DACH2: variants seen among roughly 807,000 people sequenced by gnomAD.
DACH2 encodes dachshund homolog 2.
In DACH2, 17 loss-of-function variants were observed where a neutral mutation model predicts 35.8. The observed-to-expected ratio is 0.48, with a 90% CI of 0.33 to 0.71. The LOEUF (loss-of-function observed/expected upper bound fraction) is 0.71. DACH2 is among the 30% of genes least tolerant of loss of function. The probability of loss-of-function intolerance (pLI) is 0.02; values close to 1 mark genes in which losing one functional copy is unlikely to be tolerated. For missense variants in DACH2, 469 were observed against 472.7 expected, an observed-to-expected ratio of 0.99 and a Z score of 0.07; for synonymous variants, 195 against 177.3, an observed-to-expected ratio of 1.10 and a Z score of -0.79.
At chrX:86,569,237 T>A (rs2039332632) in intron 3 of DACH2, among the ~76,000 whole-genome samples, 2 of 111,045 alleles carry the variant, frequency 1.8e-5, no homozygotes, top group Admixed American at 9.6e-5. Flanking sequence ...AGTCAGGTAA[T>A]GCTCATCGTT....
At chrX:86,596,285 C>A (rs1369403703) in intron 3 of DACH2, among the ~76,000 whole-genome samples, 2 of 111,465 alleles carry the variant, frequency 1.8e-5, no homozygotes, top group Non-Finnish European at 3.8e-5. Flanking sequence ...TCGTGTCTAA[C>A]TTTTTTAGGA....
At chrX:86,827,783 G>C (rs2042576090) in intron 11 of DACH2, 1 of 1,164,100 alleles carries the variant, frequency 8.6e-7, no homozygotes, top group African/African-American at 1.8e-5. Flanking sequence ...ACTGATGCCG[G>C]AACTCCAACT....
At chrX:86,307,637 A>C (rs1288362420) in intron 1 of DACH2, among the ~76,000 whole-genome samples, 1 of 111,282 alleles carries the variant, frequency 9.0e-6, no homozygotes, top group African/African-American at 3.3e-5. Context: ...GGCAGTTGCC[A>C]GACAGGATAA....
intron 7 of DACH2, among the ~76,000 whole-genome samples, chrX:86,804,830 A>C (rs1486275615): frequency 2.7e-5 from 3 of 112,523 alleles, no homozygotes; most frequent in African/African-American, 9.7e-5. Context: ...TTCATGTCTC[A>C]CATCCAGGGC....
At chrX:86,397,222 A>G (rs749478014) in intron 2 of DACH2, among the ~76,000 whole-genome samples, 7 of 111,157 alleles carry the variant, frequency 6.3e-5, no homozygotes, top group African/African-American at 2.3e-4. Context: ...AATGCTAGTG[A>G]TTTTTGCACA....
intron 1 of DACH2, among the ~76,000 whole-genome samples, chrX:86,233,188 G>A (rs1249537146): frequency 9.0e-6 from 1 of 111,339 alleles, no homozygotes; most frequent in Non-Finnish European, 1.9e-5. Context: ...GGGTCTATAG[G>A]AGGGTGAAGG....
intron 3 of DACH2, among the ~76,000 whole-genome samples, chrX:86,594,997 G>A (rs1039728692): frequency 1.8e-5 from 2 of 111,624 alleles, no homozygotes; most frequent in East Asian, 2.8e-4. Context: ...TGTTTTCATA[G>A]CAAATTGACT....
At chrX:86,211,064 G>A (rs1234396855) in intron 1 of DACH2, among the ~76,000 whole-genome samples, 2 of 111,596 alleles carry the variant, frequency 1.8e-5, no homozygotes, top group African/African-American at 3.2e-5. Context: ...TATTTGTGAA[G>A]CACTGTGATT....
intron 2 of DACH2, among the ~76,000 whole-genome samples, chrX:86,419,666 G>A (rs1466552212): frequency 8.9e-6 from 1 of 111,937 alleles, no homozygotes; most frequent in Non-Finnish European, 1.9e-5. Flanking sequence ...ACTTTCTCAT[G>A]GTTAGCTTTT....
chrX:86,586,328 C>T (rs1242309104), intron 3 of DACH2, among the ~76,000 whole-genome samples: 1 of 111,302 alleles, frequency 9.0e-6, no homozygotes, highest in Admixed American at 9.6e-5. Context: ...TTGTTGGATG[C>T]ATAGTTTGCA....
chrX:86,222,496 C>T (rs991264805), intron 1 of DACH2, among the ~76,000 whole-genome samples: 4 of 111,581 alleles, frequency 3.6e-5, no homozygotes, highest in African/African-American at 1.3e-4. Context: ...AAGTAGATTC[C>T]TTTGGGAATT....
At chrX:86,763,399 G>A (rs1183127077) in intron 7 of DACH2, among the ~76,000 whole-genome samples, 3 of 112,419 alleles carry the variant, frequency 2.7e-5, no homozygotes, top group Non-Finnish European at 5.6e-5. Context: ...ATTATATAGA[G>A]TTCAAAAATA....
intron 9 of DACH2, among the ~76,000 whole-genome samples, chrX:86,813,536 C>T (rs892736831): frequency 3.7e-5 from 4 of 107,229 alleles, no homozygotes; most frequent in Non-Finnish European, 7.7e-5. Flanking sequence ...GGCGTGAACC[C>T]GGGAGGCGGA....
chrX:86,511,678 A>G (rs2038398954), intron 2 of DACH2, among the ~76,000 whole-genome samples: 1 of 111,694 alleles, frequency 9.0e-6, no homozygotes, highest in Non-Finnish European at 1.9e-5. Flanking sequence ...CACACGCTTA[A>G]TGGGTACCTA....
At chrX:86,505,044 G>T (rs1177580626) in intron 2 of DACH2, among the ~76,000 whole-genome samples, 1 of 112,015 alleles carries the variant, frequency 8.9e-6, no homozygotes, top group East Asian at 2.8e-4. Context: ...TTAGAAGTAA[G>T]GACGTCTCAA....
intron 1 of DACH2, among the ~76,000 whole-genome samples, chrX:86,220,879 G>A (rs1005353611): frequency 4.5e-5 from 5 of 111,970 alleles, no homozygotes; most frequent in Admixed American, 1.9e-4. Flanking sequence ...GCTAATGCTT[G>A]TTATCTTTTA....
chrX:86,329,177 A>G (rs2035167546), intron 1 of DACH2, among the ~76,000 whole-genome samples: 1 of 111,260 alleles, frequency 9.0e-6, no homozygotes, highest in African/African-American at 3.3e-5. Flanking sequence ...TCTATATGAT[A>G]AATACACTTA....
chrX:86,492,920 T>C lies in DACH2; in HGVS notation c.528-21359T>C, dbSNP rs1049006859. 2.7e-5 allele frequency among the ~76,000 whole-genome samples: 3 copies of C among 111,495 alleles called. No homozygotes were observed. In the East Asian group the frequency reaches 8.5e-4, roughly 31 times the overall value. On this transcript the variant is annotated intron_variant, in intron 2 of 11. Transcript: ENST00000373125. ...AATGGTGCTGTGAGGAACATATGAG[T>C]GTATATGTATTTTTGGTAGAATGAT...
chrX:86,246,687 G>T (rs1218711889), intron 1 of DACH2, among the ~76,000 whole-genome samples: 1 of 112,111 alleles, frequency 8.9e-6, no homozygotes, highest in Non-Finnish European at 1.9e-5. Context: ...ATGGAAATGA[G>T]ACAGTTACCA....
Sources: allele counts gnomAD v4.1 joint callset (sites outside exome capture counted in the v4.1 genomes callset), GRCh38; gene constraint gnomAD v4.1.1; transcripts MANE v1.5; gene names NCBI Gene and HGNC (gene_info 2026-07-23, HGNC 2026-07-21).